CAPN5: variants seen among roughly 807,000 people sequenced by gnomAD.
CAPN5 encodes calpain-5.
A neutral mutation model predicts 73.0 loss-of-function variants in CAPN5; 54 were observed. That is an observed-to-expected ratio of 0.74 (90% CI 0.59 to 0.93). CAPN5 has a LOEUF of 0.93. Among genes scored for constraint, CAPN5 ranks in the 40% least tolerant of loss-of-function variants. The pLI is 0.00. For missense variants in CAPN5, 785 were observed against 882.9 expected, an observed-to-expected ratio of 0.89 and a Z score of 1.41; for synonymous variants, 335 against 356.9, an observed-to-expected ratio of 0.94 and a Z score of 0.69.
At chr11:77,074,185 C>T (rs1414304628) in intron 1 of CAPN5, among the ~76,000 whole-genome samples, 1 of 152,168 alleles carries the variant, frequency 6.6e-6, no homozygotes, top group African/African-American at 2.4e-5. Context: ...CTTTCTAGTC[C>T]CCTCTGGCTT....
chr11:77,117,894 A>C (rs890590116), intron 7 of CAPN5, among the ~76,000 whole-genome samples: 1 of 152,200 alleles, frequency 6.6e-6, no homozygotes, highest in Non-Finnish European at 1.5e-5. Context: ...TGATTGCATT[A>C]CCTAATTCCT....
intron 1 of CAPN5, among the ~76,000 whole-genome samples, chr11:77,079,076 TC>T (rs1381579007): frequency 6.6e-6 from 1 of 152,188 alleles, no homozygotes; most frequent in African/African-American, 2.4e-5. Context: ...TGTTGAACCA[TC>T]CTTGCATCCT....
intron 3 of CAPN5, among the ~76,000 whole-genome samples, chr11:77,107,139 G>T (rs1162507037): frequency 6.6e-6 from 1 of 152,178 alleles, no homozygotes; most frequent in Non-Finnish European, 1.5e-5. Context: ...AAGGCAGGGG[G>T]TGCCCACCAC....
intron 3 of CAPN5, among the ~76,000 whole-genome samples, chr11:77,109,950 A>C (rs1950394821): frequency 1.3e-5 from 2 of 152,158 alleles, no homozygotes; most frequent in African/African-American, 4.8e-5. Context: ...AGCATTCAGA[A>C]CAGGGCAGGA....
At chr11:77,109,974 G>T (rs1484330501) in intron 3 of CAPN5, among the ~76,000 whole-genome samples, 1 of 152,238 alleles carries the variant, frequency 6.6e-6, no homozygotes, top group East Asian at 1.9e-4. Context: ...GAAGGAGGGG[G>T]TGAAGGTGAT....
intron 6 of CAPN5, among the ~76,000 whole-genome samples, chr11:77,115,962 G>A (rs1203588700): frequency 1.3e-5 from 2 of 152,014 alleles, no homozygotes; most frequent in Admixed American, 6.5e-5. Flanking sequence ...ACTGGGGGTC[G>A]CACCCCCCTT....
chr11:77,107,898 C>A (rs1555040173), intron 3 of CAPN5, among the ~76,000 whole-genome samples: 1 of 152,212 alleles, frequency 6.6e-6, no homozygotes, highest in African/African-American at 2.4e-5. Flanking sequence ...TGTGTGAAGG[C>A]ACACATGTGT....
chr11:77,103,153 T>C (rs781927307), intron 3 of CAPN5: 1 of 1,613,764 alleles, frequency 6.2e-7, no homozygotes, highest in Non-Finnish European at 8.5e-7. Context: ...CCCACTGCCA[T>C]CTTCTGGCGC....
intron 3 of CAPN5, chr11:77,102,893 C>T (rs782295008): frequency 2.5e-6 from 4 of 1,612,226 alleles, no homozygotes; most frequent in South Asian, 2.2e-5. Flanking sequence ...TGGTCCTGGA[C>T]CAGGGCCTGA....
intron 3 of CAPN5, chr11:77,103,387 G>T: frequency 1.3e-6 from 2 of 1,545,376 alleles, no homozygotes; most frequent in East Asian, 2.3e-5. Context: ...CCCTGCCCCT[G>T]CCACTTTCCC....
At chr11:77,093,945 G>C (rs1319740952) in intron 3 of CAPN5, 132 bp downstream of exon 3, 2 of 1,326,808 alleles carry the variant, frequency 1.5e-6, no homozygotes, top group Admixed American at 4.2e-5. Context: ...TGGGGTGGGG[G>C]CCCCCAGTAC....
chr11:77,108,036 C>T (rs1437552375), intron 3 of CAPN5, among the ~76,000 whole-genome samples: 3 of 152,212 alleles, frequency 2.0e-5, no homozygotes, highest in African/African-American at 7.2e-5. Flanking sequence ...GACTGAGACT[C>T]AGAGGTGGCC....
rs192222711 is a variant in CAPN5, at chr11:77,080,996, C to T, written c.-35-3856C>T. ...TTCCACTCTTGGTCCACAGAGGCCT[C>T]ACTGTGCAGGCTGGGTCTGACTCAC... is the stretch of plus-strand genomic sequence containing the variant. On this transcript the variant is annotated intron_variant, in intron 1 of 12. Coordinates refer to ENST00000648180, the MANE Select transcript of CAPN5 (RefSeq NM_004055.5). Among the ~76,000 whole-genome samples, 371 of 152,332 alleles carry T rather than the reference C, an allele frequency of 2.4e-3. 4 individuals carry two copies. The highest frequency in any genetic ancestry group is 8.4e-3 in the African/African-American group (349 of 41,580).
chr11:77,071,785 G>A, intron 1 of CAPN5: 1 of 394,790 alleles, frequency 2.5e-6, no homozygotes, highest in Non-Finnish European at 5.4e-6. Context: ...GCCATGGCCA[G>A]GAATAGGAAG....
At chr11:77,070,780 C>A (rs1340664071) in intron 1 of CAPN5, among the ~76,000 whole-genome samples, 4 of 152,298 alleles carry the variant, frequency 2.6e-5, no homozygotes, top group African/African-American at 9.6e-5. Flanking sequence ...TCTGTGGGAT[C>A]TAGGGGAGAG....
chr11:77,108,643 T>C (rs908745586), intron 3 of CAPN5, among the ~76,000 whole-genome samples: 24 of 152,148 alleles, frequency 1.6e-4, no homozygotes, highest in African/African-American at 5.3e-4. Flanking sequence ...CTATGGCTAG[T>C]CTTATTTCCT....
At position 77,078,344 on chromosome 11, in the gene CAPN5, G is replaced by C. The variant is rs531402147; in HGVS notation, c.-35-6508G>C. On this transcript the variant is annotated intron_variant, in intron 1 of 12. Coordinates refer to ENST00000648180, the MANE Select transcript of CAPN5 (RefSeq NM_004055.5). Reference sequence around the variant, plus strand: ...GTCTTTTCCCCTTTGTGTGTCCTTGGTACTTTTGTTGAAAATTAATTGACA... The same window carrying C: ...GTCTTTTCCCCTTTGTGTGTCCTTGCTACTTTTGTTGAAAATTAATTGACA... Among the ~76,000 whole-genome samples, 13 of 152,214 alleles carry C rather than the reference G, an allele frequency of 8.5e-5. No individual in the cohort carries two copies. In the South Asian group the frequency reaches 2.5e-3, roughly 29 times the overall value.
chr11:77,120,908 C>G lies in CAPN5; in HGVS notation c.1486C>G (p.Arg496Gly). 1 of 1,611,184 alleles carries G rather than the reference C, an allele frequency of 6.2e-7. No homozygotes were observed. The highest frequency in any genetic ancestry group is 8.5e-7 in the Non-Finnish European group (1 of 1,177,964). Residue 496 changes from arginine to glycine, a missense_variant and splice_region_variant, in exon 10 of 13, where the codon CGG becomes GGG. Physicochemically the swap from Arg to Gly is moderately radical, Grantham distance 125. Coordinates refer to ENST00000648180, the MANE Select transcript of CAPN5 (RefSeq NM_004055.5). The part of the protein sequence containing the change: ...RVFTDVPSNC[R>G]ELRLDEPPHT... ...CTTCACTGATGTGCCCTCCAACTGC[C>G]GGTACTTGGGGGCTGGCTTGAGGCC...
intron 3 of CAPN5, among the ~76,000 whole-genome samples, chr11:77,110,677 C>G (rs1227820298): frequency 5.3e-5 from 8 of 152,224 alleles, no homozygotes; most frequent in Non-Finnish European, 1.2e-4. Context: ...CCCAACAGGG[C>G]TCCATTAGGG....
Sources: allele counts gnomAD v4.1 joint callset (sites outside exome capture counted in the v4.1 genomes callset), GRCh38; gene constraint gnomAD v4.1.1; transcripts MANE v1.5; gene names NCBI Gene and HGNC (gene_info 2026-07-23, HGNC 2026-07-21).